The following EPHB1 variants were observed in gnomAD, a reference collection of about 807,000 sequenced individuals.
EPHB1 encodes EPH receptor B1.
Under a neutral mutation model 94.4 loss-of-function variants are expected in EPHB1, and 30 were observed. The observed-to-expected ratio is 0.32, with a 90% CI of 0.24 to 0.43. EPHB1 has a LOEUF of 0.43. Among genes scored for constraint, EPHB1 ranks in the 20% least tolerant of loss-of-function variants. The probability of loss-of-function intolerance (pLI) is 1.00; values close to 1 mark genes in which losing one functional copy is unlikely to be tolerated. For synonymous variants in EPHB1, 522 were observed against 489.1 expected, an observed-to-expected ratio of 1.07 and a Z score of -0.89; for missense variants, 1,055 against 1,308.3, an observed-to-expected ratio of 0.81 and a Z score of 2.99.
At chr3:134,881,657 G>A (rs77560161) in intron 1 of EPHB1, among the ~76,000 whole-genome samples, 5 of 152,216 alleles carry the variant, frequency 3.3e-5, no homozygotes, top group African/African-American at 9.6e-5. Flanking sequence ...CTGACAAAGG[G>A]GTGCTAATCG....
intron 3 of EPHB1, among the ~76,000 whole-genome samples, chr3:135,095,766 CCAGGGCCTTTTCA>C (rs1393620008): frequency 6.6e-6 from 1 of 152,194 alleles, no homozygotes; most frequent in Non-Finnish European, 1.5e-5. Context: ...TTTTCATTCT[CCAGGGCCTTTTCA>C]CAGGCTGCTC....
chr3:135,111,280 C>T (rs1004530912), intron 4 of EPHB1, among the ~76,000 whole-genome samples: 15 of 152,192 alleles, frequency 9.9e-5, no homozygotes, highest in African/African-American at 2.9e-4. Flanking sequence ...AGCCCCAACC[C>T]GGAGCCACTG....
At chr3:135,094,994 G>T (rs1486615844) in intron 3 of EPHB1, among the ~76,000 whole-genome samples, 1 of 152,184 alleles carries the variant, frequency 6.6e-6, no homozygotes, top group Non-Finnish European at 1.5e-5. Context: ...CAGGCCAGCG[G>T]TCAAGGGACA....
At chr3:135,139,514 A>G (rs906777710) in intron 5 of EPHB1, among the ~76,000 whole-genome samples, 9 of 152,206 alleles carry the variant, frequency 5.9e-5, no homozygotes, top group Non-Finnish European at 1.3e-4. Flanking sequence ...GCCTTTCTGC[A>G]TGCCATATAC....
At chr3:135,252,089 T>C (rs1335179910) in intron 15 of EPHB1, among the ~76,000 whole-genome samples, 2 of 152,168 alleles carry the variant, frequency 1.3e-5, no homozygotes, top group South Asian at 2.1e-4. Flanking sequence ...GTTAATGGAA[T>C]GGCACATGCA....
At chr3:135,256,735 C>G (rs1933410276) in intron 15 of EPHB1, among the ~76,000 whole-genome samples, 1 of 152,074 alleles carries the variant, frequency 6.6e-6, no homozygotes, top group Non-Finnish European at 1.5e-5. Flanking sequence ...GTGGCGTTCT[C>G]TGTATTTCCT....
intron 1 of EPHB1, among the ~76,000 whole-genome samples, chr3:134,804,559 G>A (rs73861951): frequency 1.3e-5 from 2 of 151,958 alleles, no homozygotes; most frequent in East Asian, 1.9e-4. Flanking sequence ...GGGTGTGTGT[G>A]GGGGGGAGGA....
chr3:134,886,140 A>G (rs1029961304), intron 1 of EPHB1, among the ~76,000 whole-genome samples: 2 of 152,238 alleles, frequency 1.3e-5, no homozygotes. Flanking sequence ...TGTGGTCAGC[A>G]GAAGCAGGAG....
In EPHB1 at chr3:134,898,726, C is replaced by T. The variant is rs528025333; in HGVS notation, c.59-27090C>T. ...AGGAGTGGGAATGTCTGCCCTGTCACGTGTGTCATTTCGTTTTCAAGCAGA... is the reference window on the plus strand; with the variant it reads ...AGGAGTGGGAATGTCTGCCCTGTCATGTGTGTCATTTCGTTTTCAAGCAGA... On this transcript the variant is annotated intron_variant, in intron 1 of 15. Transcript: ENST00000398015. Among the ~76,000 whole-genome samples the T allele has an allele frequency of 2.4e-4, 36 of 152,138 alleles. 1 individual carries two copies. Among genetic ancestry groups the T allele is most frequent in the Admixed American group, 1.8e-3 (28 of 15,278 alleles).
At chr3:135,093,348 G>T (rs1001856374) in intron 3 of EPHB1, among the ~76,000 whole-genome samples, 2 of 152,102 alleles carry the variant, frequency 1.3e-5, no homozygotes, top group Non-Finnish European at 2.9e-5. Flanking sequence ...TGCCAGTGGG[G>T]CCTCACTTCT....
chr3:135,127,396 C>T (rs1405359631), intron 4 of EPHB1, among the ~76,000 whole-genome samples: 2 of 152,130 alleles, frequency 1.3e-5, no homozygotes, highest in Non-Finnish European at 2.9e-5. Flanking sequence ...AGTGTTTCTC[C>T]CAAGTTATAG....
rs77644132 is a variant in EPHB1, at chr3:134,872,872, C to T, written c.59-52944C>T. On this transcript the variant is annotated intron_variant, in intron 1 of 15. Coordinates refer to ENST00000398015, the MANE Select transcript of EPHB1 (RefSeq NM_004441.5). ...TTTTCCCGGTATCCCTTGTCTAGTA[C>T]GGAGCCTGGCATCCCAAGAAAACCC... Among the ~76,000 whole-genome samples, 726 of 152,238 alleles carry T rather than the reference C, an allele frequency of 4.8e-3. 5 individuals are homozygous for T. The highest frequency in any genetic ancestry group is 0.018 in the South Asian group (87 of 4,822).
At chr3:135,237,277 T>TAC (rs10572168) in intron 12 of EPHB1, among the ~76,000 whole-genome samples, 13,170 of 147,350 alleles carry the variant, frequency 0.089, 589 homozygotes, top group Middle Eastern at 0.13. Context: ...CACCAAATTC[T>TAC]ACACACACAC....
intron 3 of EPHB1, among the ~76,000 whole-genome samples, chr3:135,016,030 C>A (rs1314481242): frequency 6.6e-6 from 1 of 152,204 alleles, no homozygotes; most frequent in Non-Finnish European, 1.5e-5. Context: ...GGCAGCAGCA[C>A]AGACGTTGCT....
Position 134,808,483 on chromosome 3 carries a change from G to A in EPHB1, c.58+12794G>A, listed in dbSNP as rs1301920411. Among the ~76,000 whole-genome samples, 11 of 152,182 alleles carry A rather than the reference G, an allele frequency of 7.2e-5. No individual in the cohort carries two copies. In the East Asian group the frequency reaches 2.1e-3, roughly 29 times the overall value. ...CTGTCAGGGTGCTTGTCCAGGAGAA[G>A]CAAGAATGAGTGCTGGGAAGGCATT... On this transcript the variant is annotated intron_variant, in intron 1 of 15. Coordinates refer to ENST00000398015, the MANE Select transcript of EPHB1 (RefSeq NM_004441.5).
intron 1 of EPHB1, among the ~76,000 whole-genome samples, chr3:134,921,601 A>G (rs1456988654): frequency 2.0e-5 from 3 of 152,236 alleles, no homozygotes; most frequent in Admixed American, 6.5e-5. Flanking sequence ...CTTTACAACA[A>G]TGCAAAGAAG....
intron 15 of EPHB1, among the ~76,000 whole-genome samples, chr3:135,253,249 G>A (rs996349366): frequency 3.3e-5 from 5 of 151,382 alleles, no homozygotes; most frequent in African/African-American, 1.2e-4. Context: ...GGCTTTTGTT[G>A]CCATTGCTTT....
intron 3 of EPHB1, among the ~76,000 whole-genome samples, chr3:135,014,565 A>G (rs576493135): frequency 4.9e-4 from 75 of 152,360 alleles, no homozygotes; most frequent in Non-Finnish European, 2.4e-4. Context: ...ATTTTAATGC[A>G]GCAAATTGGC....
intron 4 of EPHB1, among the ~76,000 whole-genome samples, chr3:135,113,209 G>GA (rs1939532993): frequency 6.6e-6 from 1 of 152,202 alleles, no homozygotes; most frequent in African/African-American, 2.4e-5. Flanking sequence ...GGATGCAAAA[G>GA]AAAGGAGTGT....
Sources: allele counts gnomAD v4.1 joint callset (sites outside exome capture counted in the v4.1 genomes callset), GRCh38; gene constraint gnomAD v4.1.1; transcripts MANE v1.5; gene names NCBI Gene and HGNC (gene_info 2026-07-23, HGNC 2026-07-21).